The following UNC79 variants were observed in gnomAD, a reference collection of about 807,000 sequenced individuals.
UNC79 encodes the protein unc-79 subunit of NALCN channel complex.
In UNC79, 37 loss-of-function variants were observed where a neutral mutation model predicts 283.1. That is an observed-to-expected ratio of 0.13 (90% confidence interval 0.10 to 0.17). The LOEUF is 0.17. Ranked by LOEUF, UNC79 falls within the 10% of genes least tolerant of loss-of-function variation. The pLI is 1.00. For synonymous variants in UNC79, 1,107 were observed against 1,200.2 expected (o/e 0.92, Z 1.61); for missense variants, 2,272 against 3,211.1 (o/e 0.71, Z 7.07).
chr14:93,351,890 C>T (rs1373529436), intron 1 of UNC79, among the ~76,000 whole-genome samples: 1 of 152,174 alleles, frequency 6.6e-6, no homozygotes. Flanking sequence ...GGATGAGGTC[C>T]ACCTACACTT....
At chr14:93,335,001 C>G (rs1415639800) in intron 1 of UNC79, 1 of 152,206 alleles carries the variant, frequency 6.6e-6, no homozygotes, top group East Asian at 1.9e-4. Flanking sequence ...GACTTTGCTT[C>G]TATTTCCTAG....
At chr14:93,479,694 G>T (rs1221059656) in intron 4 of UNC79, among the ~76,000 whole-genome samples, 1 of 152,010 alleles carries the variant, frequency 6.6e-6, no homozygotes, top group Non-Finnish European at 1.5e-5. Flanking sequence ...GAGTGCAGTG[G>T]CACAGTCATA....
Position 93,456,806 on chromosome 14 carries a change from G to A in UNC79, c.23-10865G>A, listed in dbSNP as rs527561295. Reference sequence around the variant, plus strand: ...TCCTATAACCATGAGGCCATGCCTGGCTTCTCACACAGTTAGTTCCTTAGA... The same window carrying A: ...TCCTATAACCATGAGGCCATGCCTGACTTCTCACACAGTTAGTTCCTTAGA... On this transcript the variant is annotated intron_variant, in intron 1 of 48. Transcript: ENST00000555664. Among the ~76,000 whole-genome samples the A allele has an allele frequency of 5.3e-5, 8 of 152,304 alleles. No homozygotes were observed. The South Asian group carries it at 6.2e-4, about 12-fold the overall frequency.
chr14:93,408,425 G>C (rs1326064209), intron 1 of UNC79, among the ~76,000 whole-genome samples: 1 of 152,226 alleles, frequency 6.6e-6, no homozygotes, highest in Non-Finnish European at 1.5e-5. Flanking sequence ...AGGTGCAGTG[G>C]CTCATGCCTG....
At chr14:93,434,544 A>G (rs1266735113) in intron 1 of UNC79, among the ~76,000 whole-genome samples, 2 of 152,194 alleles carry the variant, frequency 1.3e-5, no homozygotes, top group Non-Finnish European at 2.9e-5. Flanking sequence ...ATCAAAATTG[A>G]CCAATCGGGA....
intron 40 of UNC79, among the ~76,000 whole-genome samples, chr14:93,665,481 C>A (rs776829595): frequency 7.2e-4 from 110 of 151,774 alleles, no homozygotes; most frequent in Non-Finnish European, 1.2e-3. Context: ...GGCTTTTTAT[C>A]AATTCTAGAG....
In UNC79 at chr14:93,668,549, CA is replaced by C. The variant is rs994308239; in HGVS notation, c.6637-4792del. Among the ~76,000 whole-genome samples, 80 of 121,106 alleles carry C rather than the reference CA, an allele frequency of 6.6e-4. No homozygotes were observed. In the Middle Eastern group the frequency reaches 0.018, roughly 27 times the overall value. 79.5% of individuals were successfully genotyped at this position (121,106 alleles called of 152,430 possible). On this transcript the variant is annotated intron_variant, in intron 40 of 48. Transcript: ENST00000555664. ...AACAAGGCGAGACTCCATCTCTATA[CA>C]AAAAAAAAATTAGGCGGGGCAAAGT...
At chr14:93,493,835 T>C (rs1455563987) in intron 5 of UNC79, among the ~76,000 whole-genome samples, 1 of 146,246 alleles carries the variant, frequency 6.8e-6, no homozygotes, top group Non-Finnish European at 1.5e-5. Context: ...ACGTCTTACA[T>C]GGCTGGAGCA....
intron 14 of UNC79, among the ~76,000 whole-genome samples, chr14:93,550,413 G>C (rs2061814400): frequency 1.3e-5 from 2 of 151,400 alleles, no homozygotes; most frequent in Admixed American, 1.3e-4. Flanking sequence ...TACTTGGGAG[G>C]CTGAGGCAGG....
chr14:93,383,771 C>A (rs1007844893), intron 1 of UNC79, among the ~76,000 whole-genome samples: 2 of 152,074 alleles, frequency 1.3e-5, no homozygotes, highest in African/African-American at 4.8e-5. Context: ...TTGTAACACG[C>A]ACAATTCCCA....
At chr14:93,581,821 C>T (rs190306795) in intron 19 of UNC79, among the ~76,000 whole-genome samples, 5 of 152,182 alleles carry the variant, frequency 3.3e-5, no homozygotes, top group African/African-American at 7.2e-5. Context: ...TTTGTGAACC[C>T]GTTATTATTC....
chr14:93,396,777 A>ATGTGTGTGTGTATGTGTGTGTG (rs2055007036), intron 1 of UNC79, among the ~76,000 whole-genome samples: 1 of 144,380 alleles, frequency 6.9e-6, no homozygotes, highest in African/African-American at 2.6e-5. Context: ...ATGTGTGTGT[A>ATGTGTGTGTGTATGTGTGTGTG]TGTGTGTGTG....
At chr14:93,398,397 ATAT>A (rs2055040473) in intron 1 of UNC79, among the ~76,000 whole-genome samples, 1 of 152,226 alleles carries the variant, frequency 6.6e-6, no homozygotes, top group Admixed American at 6.5e-5. Context: ...TTTGATTATA[ATAT>A]TGTGCTAAAT....
intron 1 of UNC79, chr14:93,437,387 C>T (rs919075606): frequency 2.0e-5 from 3 of 152,030 alleles, no homozygotes; most frequent in African/African-American, 7.2e-5. Flanking sequence ...ATTCCTATTT[C>T]TTCTTTTTAT....
intron 1 of UNC79, among the ~76,000 whole-genome samples, chr14:93,464,395 C>T (rs1384629518): frequency 2.0e-5 from 3 of 152,170 alleles, no homozygotes; most frequent in Admixed American, 6.5e-5. Context: ...TGTGTTCCCA[C>T]ATTTCTGGTA....
intron 4 of UNC79, among the ~76,000 whole-genome samples, chr14:93,487,045 G>A (rs1007884820): frequency 6.6e-5 from 10 of 152,082 alleles, no homozygotes; most frequent in African/African-American, 2.2e-4. Flanking sequence ...TAAAAAAATG[G>A]TTCTCATGGT....
intron 1 of UNC79, among the ~76,000 whole-genome samples, chr14:93,336,790 A>G (rs1329688482): frequency 6.6e-6 from 1 of 152,270 alleles, no homozygotes; most frequent in African/African-American, 2.4e-5. Flanking sequence ...AACTGTATTT[A>G]AAATATGAAC....
rs1238751193 is a variant in UNC79, at chr14:93,361,250, AAGAAAAGAAG to A, written c.-351+27728_-351+27737del. On this transcript the variant is annotated intron_variant, in intron 1 of 49. Coordinates refer to the UNC79 transcript ENST00000256339. ...AAAAAAAAAAAAGAAAAGAAAAGAA[AAGAAAAGAAG>A]GAGGCACAACGCCTAGCAGGCCTGT... 5.0e-3 allele frequency among the ~76,000 whole-genome samples: 748 copies of A among 149,796 alleles called. 11 individuals are homozygous for A. Among genetic ancestry groups the A allele is most frequent in the African/African-American group, 0.014 (585 of 40,696 alleles).
chr14:93,681,566 G>C (rs2140818469), intron 41 of UNC79, among the ~76,000 whole-genome samples: 1 of 152,318 alleles, frequency 6.6e-6, no homozygotes, highest in East Asian at 1.9e-4. Context: ...GACCGAGCCT[G>C]CTGACCCATT....
Sources: allele counts gnomAD v4.1 joint callset (sites outside exome capture counted in the v4.1 genomes callset), GRCh38; gene constraint gnomAD v4.1.1; transcripts MANE v1.5; gene names NCBI Gene and HGNC (gene_info 2026-07-23, HGNC 2026-07-21).